HEG1: variants seen among roughly 807,000 people sequenced by gnomAD.
HEG1 encodes protein HEG homolog 1.
Under a neutral mutation model 125.6 loss-of-function variants are expected in HEG1, and 56 were observed. The observed-to-expected ratio is 0.45, with a 90% CI of 0.36 to 0.56. HEG1 has a LOEUF of 0.56. Ranked by LOEUF, HEG1 falls within the 20% of genes least tolerant of loss-of-function variation. HEG1 has a pLI of 0.00. For synonymous variants in HEG1, 644 were observed against 668.5 expected (o/e 0.96, Z 0.57); for missense variants, 1,523 against 1,670.0 (o/e 0.91, Z 1.53).
intron 1 of HEG1, among the ~76,000 whole-genome samples, chr3:125,041,383 T>C (rs1415151875): frequency 6.6e-6 from 1 of 152,190 alleles, no homozygotes; most frequent in African/African-American, 2.4e-5. Context: ...GAGTAGCATT[T>C]ATAAATTCAA....
intron 14 of HEG1, among the ~76,000 whole-genome samples, chr3:124,980,714 T>C (rs1021023344): frequency 6.6e-6 from 1 of 152,136 alleles, no homozygotes; most frequent in Non-Finnish European, 1.5e-5. Flanking sequence ...AGACGGGGTT[T>C]CGCTATGTTG....
intron 14 of HEG1, among the ~76,000 whole-genome samples, chr3:124,988,570 C>G (rs1936781233): frequency 6.6e-6 from 1 of 152,092 alleles, no homozygotes; most frequent in African/African-American, 2.4e-5. Context: ...TCTGGGACTT[C>G]TAAAGAGTAC....
intron 12 of HEG1, among the ~76,000 whole-genome samples, chr3:124,991,529 T>G (rs955706740): frequency 2.0e-5 from 3 of 152,196 alleles, no homozygotes; most frequent in African/African-American, 7.2e-5. Context: ...AGTATTTTAT[T>G]GGAGGTGATT....
chr3:125,051,102 AC>A lies in HEG1; in HGVS notation c.316+4472del, dbSNP rs1380234458. 1.8e-4 allele frequency among the ~76,000 whole-genome samples: 27 copies of A among 152,200 alleles called. 1 individual carries two copies. Among genetic ancestry groups the A allele is most frequent in the Non-Finnish European group, 1.5e-5 (1 of 68,032 alleles). On this transcript the variant is annotated intron_variant, in intron 1 of 16. Transcript: ENST00000311127. ...AGCTTGGCTTATAATTAATGCAGCA[AC>A]CTCTGGCATCAATAACCTATGGATT...
chr3:124,973,633 T>G lies in HEG1; in HGVS notation c.3996+98A>C, dbSNP rs1338317467. The G allele has an allele frequency of 3.2e-6, 3 of 947,622 alleles. No individual in the cohort carries two copies. The African/African-American group carries it at 5.0e-5, about 16-fold the overall frequency. The allele number at this position is 947,622 out of a possible 1,614,324, so 58.7% of individuals were successfully genotyped here. A position where few individuals can be genotyped will look rare whatever the true frequency, so the allele number is the denominator to read the frequency against. On this transcript the variant is annotated intron_variant, in intron 16 of 16. Transcript: ENST00000311127. ...GGTTCATGCCACTACTCTTTAACCC[T>G]TAACTAACTGTAATGCTTTTACTAC...
intron 1 of HEG1, among the ~76,000 whole-genome samples, chr3:125,041,726 C>A (rs1937595121): frequency 1.3e-5 from 2 of 152,158 alleles, no homozygotes; most frequent in African/African-American, 4.8e-5. Context: ...AAAGGATAAA[C>A]AAAATGTGGT....
At chr3:125,029,527 G>A (rs1937467583) in intron 1 of HEG1, 39 bp from the exon 2 acceptor site, 2 of 1,555,676 alleles carry the variant, frequency 1.3e-6, no homozygotes, top group Non-Finnish European at 1.7e-6. Flanking sequence ...GAGTTTGCTG[G>A]CTTCTGACAA....
chr3:124,984,085 C>T (rs1465148652), intron 14 of HEG1, among the ~76,000 whole-genome samples: 1 of 152,182 alleles, frequency 6.6e-6, no homozygotes, highest in Non-Finnish European at 1.5e-5. Context: ...CAACACACAG[C>T]ATTTCCATTG....
At chr3:125,021,243 T>G in intron 3 of HEG1, 113 bp from the exon 4 acceptor site, 2 of 756,088 alleles carry the variant, frequency 2.6e-6, no homozygotes, top group Non-Finnish European at 2.1e-6. Flanking sequence ...CTAAATACCA[T>G]GGACCTAATA....
At chr3:124,970,833 A>G in intron 16 of HEG1, 32 bp from the exon 17 acceptor site, 1 of 1,581,774 alleles carries the variant, frequency 6.3e-7, no homozygotes, top group Admixed American at 1.8e-5. Context: ...AGAAAAGTCA[A>G]TTTATCATTC....
At chr3:124,983,500 G>GA (rs1223998787) in intron 14 of HEG1, among the ~76,000 whole-genome samples, 1 of 128,144 alleles carries the variant, frequency 7.8e-6, no homozygotes, top group African/African-American at 3.1e-5. Context: ...ATGCCTGGCT[G>GA]ATTTTTTTTT....
chr3:125,009,943 A>G, intron 7 of HEG1, 119 bp from the exon 8 acceptor site: 1 of 1,048,168 alleles, frequency 9.5e-7, no homozygotes. Context: ...ACCCCAAAGG[A>G]TAAGTATGAG....
At chr3:125,024,278 A>G (rs1412564496) in intron 3 of HEG1, among the ~76,000 whole-genome samples, 2 of 152,220 alleles carry the variant, frequency 1.3e-5, no homozygotes, top group African/African-American at 4.8e-5. Flanking sequence ...CCAAACACTT[A>G]TGCCTATGGA....
chr3:125,046,390 TATACACATAC>T (rs1302605643), intron 1 of HEG1, among the ~76,000 whole-genome samples: 5 of 108,534 alleles, frequency 4.6e-5, no homozygotes, highest in Non-Finnish European at 5.3e-5. Flanking sequence ...TATATATATA[TATACACATAC>T]ACACACACAC....
At chr3:125,017,505 A>T (rs575064962) in intron 5 of HEG1, among the ~76,000 whole-genome samples, 2 of 152,372 alleles carry the variant, frequency 1.3e-5, no homozygotes, top group African/African-American at 4.8e-5. Flanking sequence ...GGAAAATACA[A>T]GTCAAAACCA....
rs1305002671 is a variant in HEG1 at position 125,043,783 on chromosome 3, C to A, written c.316+11792G>T. On this transcript the variant is annotated intron_variant, in intron 1 of 16. Transcript: ENST00000311127. ...CATTTGATCACACCCAGAGAGGAAG[C>A]TGGGTGGCAGGGCTCCACCAAAGGA... 2.0e-5 allele frequency among the ~76,000 whole-genome samples: 3 copies of A among 152,008 alleles called. No individual in the cohort carries two copies. In the South Asian group the frequency reaches 6.2e-4, roughly 32 times the overall value.
intron 5 of HEG1, chr3:125,015,064 G>A (rs539748627): frequency 8.5e-7 from 1 of 1,169,798 alleles, no homozygotes; most frequent in East Asian, 5.9e-5. Context: ...TGGAGCGACA[G>A]GATCGTGCCC....
chr3:125,016,364 C>T (rs1360660383), intron 5 of HEG1, among the ~76,000 whole-genome samples: 1 of 152,168 alleles, frequency 6.6e-6, no homozygotes, highest in Non-Finnish European at 1.5e-5. Context: ...TGGCTACTTT[C>T]TATCTAGCTC....
At chr3:125,019,217 C>G in intron 5 of HEG1, 45 bp downstream of exon 5, 1 of 1,492,496 alleles carries the variant, frequency 6.7e-7, no homozygotes, top group African/African-American at 1.4e-5. Flanking sequence ...TCATGAGTCC[C>G]TCTCTCCTCT....
Sources: gnomAD v4.1 joint callset for allele counts (sites outside exome capture counted in the v4.1 genomes callset) on GRCh38, gnomAD v4.1.1 for gene constraint, MANE v1.5 for transcripts, NCBI Gene and HGNC (gene_info 2026-07-23, HGNC 2026-07-21) for gene names.